MCTP1: variants seen among roughly 807,000 people sequenced by gnomAD.
MCTP1 encodes the protein multiple C2 and transmembrane domain containing 1, also known as multiple C2 and transmembrane domain-containing protein 1.
In MCTP1, 69 loss-of-function variants were observed where a neutral mutation model predicts 120.6. The ratio of observed to expected loss-of-function variants is 0.57; its 90% CI spans 0.47 to 0.70. The LOEUF (loss-of-function observed/expected upper bound fraction) is 0.70. MCTP1 is among the 30% of genes least tolerant of loss of function. The pLI, the probability that MCTP1 is intolerant of heterozygous loss-of-function variation, is 0.00. For synonymous variants in MCTP1, 529 were observed against 493.1 expected (o/e 1.07, Z -0.96); for missense variants, 1,203 against 1,248.8 (o/e 0.96, Z 0.55).
intron 15 of MCTP1, 59 bp from the exon 16 acceptor site, chr5:94,870,550 T>C: frequency 8.3e-7 from 1 of 1,211,790 alleles, no homozygotes; most frequent in Non-Finnish European, 1.2e-6. Flanking sequence ...TTACAAGTTT[T>C]TCACGCAGTT....
At chr5:95,040,791 A>C (rs964834505) in intron 1 of MCTP1, among the ~76,000 whole-genome samples, 2 of 152,158 alleles carry the variant, frequency 1.3e-5, no homozygotes, top group South Asian at 4.1e-4. Context: ...AAGCTCTTTC[A>C]ATCAGGGTAA....
intron 2 of MCTP1, among the ~76,000 whole-genome samples, chr5:94,984,438 C>T (rs756904658): frequency 5.3e-5 from 8 of 152,094 alleles, no homozygotes; most frequent in Non-Finnish European, 8.8e-5. Context: ...ACCACACTGG[C>T]TGAAGCGGAA....
At chr5:95,068,901 T>A (rs1029363081) in intron 1 of MCTP1, 7 of 855,936 alleles carry the variant, frequency 8.2e-6, no homozygotes, top group African/African-American at 1.8e-5. Flanking sequence ...ATAGTAGTTT[T>A]TTATAGCTAA....
At chr5:94,802,364 A>C (rs974351671) in intron 17 of MCTP1, among the ~76,000 whole-genome samples, 1 of 152,192 alleles carries the variant, frequency 6.6e-6, no homozygotes, top group Non-Finnish European at 1.5e-5. Flanking sequence ...TAGATGTTTG[A>C]AAGTAGAACA....
intron 1 of MCTP1, among the ~76,000 whole-genome samples, chr5:95,272,249 A>G (rs775463996): frequency 3.3e-5 from 5 of 152,238 alleles, no homozygotes; most frequent in Non-Finnish European, 7.3e-5. Flanking sequence ...AAATTTTGCC[A>G]TGAAAAAATA....
In MCTP1 at chr5:95,088,982, G is replaced by A. The variant is rs1175399309; in HGVS notation, c.721-71498C>T. 2.0e-5 allele frequency among the ~76,000 whole-genome samples: 3 copies of A among 152,166 alleles called. No homozygotes were observed. In the East Asian group the frequency reaches 5.8e-4, roughly 29 times the overall value. The stretch of plus-strand genomic sequence containing the variant: ...AAGATTCCAATTTTAAATAATTTCA[G>A]TGCTATTGTAGGCACGATTTTTCAG... On this transcript the variant is annotated intron_variant, in intron 1 of 22. Transcript: ENST00000515393.
chr5:95,190,540 G>C (rs1335011941), intron 1 of MCTP1, among the ~76,000 whole-genome samples: 1 of 151,790 alleles, frequency 6.6e-6, no homozygotes, highest in Non-Finnish European at 1.5e-5. Flanking sequence ...TGCAAACTTG[G>C]GAGCAAATTC....
chr5:95,239,511 A>G (rs1300791859), intron 1 of MCTP1, among the ~76,000 whole-genome samples: 4 of 152,184 alleles, frequency 2.6e-5, no homozygotes, highest in African/African-American at 4.8e-5. Flanking sequence ...GAATTATAAG[A>G]CTTGTGAAAA....
chr5:95,192,618 T>C (rs1749947993), intron 1 of MCTP1, among the ~76,000 whole-genome samples: 1 of 152,090 alleles, frequency 6.6e-6, no homozygotes, highest in Non-Finnish European at 1.5e-5. Context: ...GTTATTTTAC[T>C]AAAACTTAAC....
chr5:95,184,199 T>C (rs952633377), intron 1 of MCTP1, among the ~76,000 whole-genome samples: 10 of 152,180 alleles, frequency 6.6e-5, no homozygotes, highest in African/African-American at 2.4e-4. Context: ...TAAATGAAGT[T>C]TAACATCTAC....
At chr5:94,825,217 C>G (rs1013144973) in intron 17 of MCTP1, among the ~76,000 whole-genome samples, 1 of 152,130 alleles carries the variant, frequency 6.6e-6, no homozygotes, top group African/African-American at 2.4e-5. Context: ...TAGCTGTGTG[C>G]GGAAGATTCT....
chr5:95,025,964 T>C (rs868596501), intron 1 of MCTP1, among the ~76,000 whole-genome samples: 22 of 152,262 alleles, frequency 1.4e-4, no homozygotes, highest in Middle Eastern at 6.8e-3. Flanking sequence ...AGGGTCCCAG[T>C]GACTTTAGGC....
At chr5:95,267,305 G>A (rs1758980176) in intron 1 of MCTP1, among the ~76,000 whole-genome samples, 1 of 152,066 alleles carries the variant, frequency 6.6e-6, no homozygotes, top group African/African-American at 2.4e-5. Context: ...TCCTGAAAAT[G>A]TATTTTTTTA....
At chr5:95,031,380 T>C (rs973012104) in intron 1 of MCTP1, among the ~76,000 whole-genome samples, 1 of 151,862 alleles carries the variant, frequency 6.6e-6, no homozygotes, top group Non-Finnish European at 1.5e-5. Context: ...TAAAGGAAGA[T>C]AGACAAAACA....
At chr5:94,818,715 T>C (rs991775229) in intron 17 of MCTP1, among the ~76,000 whole-genome samples, 2 of 152,202 alleles carry the variant, frequency 1.3e-5, no homozygotes, top group Admixed American at 6.5e-5. Flanking sequence ...TTCTTCTCAA[T>C]GGCCTCCTGG....
chr5:94,908,964 T>A (rs1182372729), intron 10 of MCTP1, among the ~76,000 whole-genome samples: 1 of 152,080 alleles, frequency 6.6e-6, no homozygotes, highest in Non-Finnish European at 1.5e-5. Flanking sequence ...TTCCTTTATG[T>A]ATCTTATATC....
intron 1 of MCTP1, 70 bp from the exon 2 acceptor site, chr5:95,017,554 T>TCTCTAAAGGGGGACC: frequency 2.6e-5 from 24 of 906,594 alleles, no homozygotes; most frequent in South Asian, 6.5e-5. Flanking sequence ...AGGGGGACCA[T>TCTCTAAAGGGGGACC]ATATAGCTTA....
intron 12 of MCTP1, among the ~76,000 whole-genome samples, chr5:94,884,347 G>A (rs1019340029): frequency 3.3e-5 from 5 of 152,140 alleles, no homozygotes; most frequent in Non-Finnish European, 7.4e-5. Flanking sequence ...AGAGCTGTGA[G>A]CTCTTTATTA....
At chr5:95,164,793 C>T (rs149887701) in intron 1 of MCTP1, among the ~76,000 whole-genome samples, 353 of 152,170 alleles carry the variant, frequency 2.3e-3, no homozygotes, top group African/African-American at 8.1e-3. Flanking sequence ...TACAGTGATG[C>T]TAGCTGGATA....
Sources: gnomAD v4.1 joint callset for allele counts (sites outside exome capture counted in the v4.1 genomes callset) on GRCh38, gnomAD v4.1.1 for gene constraint, MANE v1.5 for transcripts, NCBI Gene and HGNC (gene_info 2026-07-23, HGNC 2026-07-21) for gene names.